POLN: variants seen among roughly 807,000 people sequenced by gnomAD.
POLN encodes DNA polymerase nu, also known as DNA polymerase N.
POLN carries 108 observed loss-of-function variants against 113.5 expected under a neutral mutation model. That is an observed-to-expected ratio of 0.95 (90% CI 0.81 to 1.12). POLN has a LOEUF of 1.12. Ranked by LOEUF, POLN falls within the 50% of genes most tolerant of loss-of-function variation. The pLI is 0.00. For missense variants in POLN, 1,097 were observed against 1,077.1 expected (o/e 1.02, Z -0.26); for synonymous variants, 386 against 391.5 (o/e 0.99, Z 0.17).
intron 21 of POLN, among the ~76,000 whole-genome samples, chr4:2,084,622 C>G (rs1730506527): frequency 6.6e-6 from 1 of 152,260 alleles, no homozygotes; most frequent in Non-Finnish European, 1.5e-5. Flanking sequence ...GCCTGGAGCT[C>G]TCGGGGCTTG....
chr4:2,087,415 G>A (rs1012128989), intron 20 of POLN, among the ~76,000 whole-genome samples: 4 of 152,170 alleles, frequency 2.6e-5, no homozygotes, highest in Non-Finnish European at 5.9e-5. Flanking sequence ...TCAGATGGTG[G>A]CCAGATACAC....
rs35000520 is a variant in POLN, at chr4:2,159,684, G to T, written c.1555-473C>A. ...TTGTTAACCACCACCCACAGCGAGC[G>T]ACGAAACATTCCAATCTCCCCAGTA... On this transcript the variant is annotated intron_variant, in intron 13 of 25. Coordinates refer to ENST00000511885, the MANE Select transcript of POLN (RefSeq NM_181808.4). Among the ~76,000 whole-genome samples the T allele has an allele frequency of 2.1e-4, 32 of 152,266 alleles. No homozygotes were observed. In the East Asian group the frequency reaches 6.0e-3, roughly 28 times the overall value.
At chr4:2,153,367 G>A (rs905122913) in intron 16 of POLN, among the ~76,000 whole-genome samples, 2 of 152,114 alleles carry the variant, frequency 1.3e-5, no homozygotes, top group Non-Finnish European at 2.9e-5. Flanking sequence ...GAGGGCTGAG[G>A]TATGTAGGTG....
At chr4:2,223,663 T>C (rs1339060954) in intron 3 of POLN, among the ~76,000 whole-genome samples, 1 of 152,206 alleles carries the variant, frequency 6.6e-6, no homozygotes, top group Non-Finnish European at 1.5e-5. Flanking sequence ...CTCAAACCTG[T>C]ACAGCATGTA....
chr4:2,081,539 C>G (rs766879366), intron 22 of POLN, 94 bp downstream of exon 22: 10 of 1,203,176 alleles, frequency 8.3e-6, no homozygotes, highest in African/African-American at 1.5e-5. Flanking sequence ...CAGGAAATAC[C>G]GCAACAGTGA....
intron 20 of POLN, among the ~76,000 whole-genome samples, chr4:2,087,159 T>C (rs1730569655): frequency 1.3e-5 from 2 of 152,218 alleles, no homozygotes; most frequent in African/African-American, 2.4e-5. Flanking sequence ...GTCATAGTCC[T>C]TCTATGCCCA....
intron 20 of POLN, among the ~76,000 whole-genome samples, chr4:2,088,137 T>G (rs1308655876): frequency 6.6e-6 from 1 of 152,206 alleles, no homozygotes; most frequent in Non-Finnish European, 1.5e-5. Flanking sequence ...AGATTTTCAT[T>G]TTATTATCAT....
At chr4:2,241,489 C>A in intron 2 of POLN, 31 bp downstream of exon 2, 1 of 985,558 alleles carries the variant, frequency 1.0e-6, no homozygotes, top group Non-Finnish European at 1.2e-6. Flanking sequence ...ATAAGCATGG[C>A]ACATCTTCTG....
intron 19 of POLN, among the ~76,000 whole-genome samples, chr4:2,124,184 G>C (rs1337347868): frequency 1.3e-5 from 2 of 152,160 alleles, no homozygotes; most frequent in African/African-American, 4.8e-5. Flanking sequence ...TTCCAGGGCC[G>C]GGAGGCGGGG....
intron 20 of POLN, chr4:2,089,494 C>T (rs911365321): frequency 7.2e-7 from 1 of 1,395,118 alleles, no homozygotes; most frequent in African/African-American, 1.4e-5. Context: ...TAGGGATGGA[C>T]TTTCACACTG....
intron 19 of POLN, among the ~76,000 whole-genome samples, chr4:2,111,134 A>G (rs1731182810): frequency 6.6e-6 from 1 of 152,252 alleles, no homozygotes; most frequent in Non-Finnish European, 1.5e-5. Context: ...AACCAAAGAC[A>G]AAAACCACAT....
chr4:2,178,813 G>C (rs1334116577), intron 8 of POLN, among the ~76,000 whole-genome samples: 1 of 152,106 alleles, frequency 6.6e-6, no homozygotes, highest in Non-Finnish European at 1.5e-5. Flanking sequence ...GGTTTCACCA[G>C]GTTGGCTAGG....
chr4:2,196,753 T>G (rs1733585078), intron 6 of POLN, among the ~76,000 whole-genome samples: 1 of 152,178 alleles, frequency 6.6e-6, no homozygotes, highest in African/African-American at 2.4e-5. Flanking sequence ...CAGAAGGAAG[T>G]AAGGAAAAAC....
intron 19 of POLN, among the ~76,000 whole-genome samples, chr4:2,108,422 A>G (rs1448507785): frequency 6.6e-6 from 1 of 152,212 alleles, no homozygotes; most frequent in Admixed American, 6.5e-5. Flanking sequence ...CTAGACATAT[A>G]GTAAGAACTT....
intron 19 of POLN, among the ~76,000 whole-genome samples, chr4:2,117,498 A>T (rs1731345754): frequency 6.6e-6 from 1 of 152,180 alleles, no homozygotes; most frequent in South Asian, 2.1e-4. Flanking sequence ...GATCATCCTT[A>T]TATCAGGACA....
rs577540853 is a variant in POLN at position 2,102,855 on chromosome 4, G to A, written c.1983-6922C>T. On this transcript the variant is annotated intron_variant, in intron 19 of 25. Transcript: ENST00000511885. ...TCATACAGAGTCTTCACTACTACAC[G>A]CACTCAGAAACAAAGCCAAAGGGTC... 8.5e-5 allele frequency among the ~76,000 whole-genome samples: 13 copies of A among 152,172 alleles called. No homozygotes were observed. The South Asian group carries it at 2.1e-3, about 24-fold the overall frequency.
intron 5 of POLN, among the ~76,000 whole-genome samples, chr4:2,206,102 T>G (rs1272501197): frequency 6.6e-6 from 1 of 152,002 alleles, no homozygotes; most frequent in African/African-American, 2.4e-5. Flanking sequence ...ACCCAAATAC[T>G]TACAGCCAAC....
chr4:2,089,521 T>A, intron 20 of POLN: 1 of 1,288,486 alleles, frequency 7.8e-7, no homozygotes, highest in Non-Finnish European at 1.1e-6. Flanking sequence ...CTGCAAATTA[T>A]CATTTTTAAA....
intron 18 of POLN, 81 bp from the exon 19 acceptor site, chr4:2,128,308 A>G (rs1302302254): frequency 2.6e-6 from 2 of 776,182 alleles, no homozygotes; most frequent in Non-Finnish European, 4.3e-6. Flanking sequence ...CCACCCTCAG[A>G]CTCTCCTGAC....
Sources: gnomAD v4.1 joint callset for allele counts (sites outside exome capture counted in the v4.1 genomes callset) on GRCh38, gnomAD v4.1.1 for gene constraint, MANE v1.5 for transcripts, NCBI Gene and HGNC (gene_info 2026-07-23, HGNC 2026-07-21) for gene names.